Variants in CPA6 observed in about 807,000 individuals in gnomAD.
The protein encoded by CPA6 is carboxypeptidase A6.
Under a neutral mutation model 63.3 loss-of-function variants are expected in CPA6, and 58 were observed. The ratio of observed to expected loss-of-function variants is 0.92; its 90% confidence interval spans 0.74 to 1.14. CPA6 has a LOEUF of 1.14. CPA6 is among the 50% of genes most tolerant of loss of function. The pLI, the probability that CPA6 is intolerant of heterozygous loss-of-function variation, is 0.00. For synonymous variants in CPA6, 185 were observed against 179.0 expected (o/e 1.03, Z -0.27); for missense variants, 565 against 526.6 (o/e 1.07, Z -0.71).
At chr8:67,587,150 A>G (rs1197053482) in intron 2 of CPA6, among the ~76,000 whole-genome samples, 1 of 152,252 alleles carries the variant, frequency 6.6e-6, no homozygotes, top group African/African-American at 2.4e-5. Flanking sequence ...AGATTCCATC[A>G]GAGATAGTAA....
chr8:67,427,532 G>C (rs1809920307), intron 10 of CPA6, among the ~76,000 whole-genome samples: 1 of 152,156 alleles, frequency 6.6e-6, no homozygotes, highest in Non-Finnish European at 1.5e-5. Flanking sequence ...GGGGTTGGAA[G>C]TGATCTCTGG....
intron 1 of CPA6, among the ~76,000 whole-genome samples, chr8:67,712,435 G>A (rs928481436): frequency 6.6e-6 from 1 of 152,122 alleles, no homozygotes; most frequent in Non-Finnish European, 1.5e-5. Context: ...GAGGCACATG[G>A]AACCTCTTTC....
At chr8:67,576,769 T>C (rs572624285) in intron 2 of CPA6, among the ~76,000 whole-genome samples, 1 of 152,320 alleles carries the variant, frequency 6.6e-6, no homozygotes, top group South Asian at 2.1e-4. Context: ...CTTTACAATG[T>C]TTCCCCCAAC....
At chr8:67,620,196 T>C (rs1815047663) in intron 2 of CPA6, among the ~76,000 whole-genome samples, 1 of 152,200 alleles carries the variant, frequency 6.6e-6, no homozygotes, top group Admixed American at 6.5e-5. Context: ...ACTGCTATCT[T>C]GAGACCAGCA....
intron 6 of CPA6, among the ~76,000 whole-genome samples, chr8:67,493,102 G>T (rs894216810): frequency 4.0e-4 from 61 of 152,238 alleles, no homozygotes; most frequent in African/African-American, 1.3e-3. Context: ...TAAGAACAAA[G>T]ACGTGTTTGC....
At chr8:67,456,967 AGGAGCT>A (rs1335611260) in intron 8 of CPA6, among the ~76,000 whole-genome samples, 2 of 152,222 alleles carry the variant, frequency 1.3e-5, no homozygotes, top group South Asian at 4.1e-4. Flanking sequence ...AGCGGCCTCT[AGGAGCT>A]GGAAAAGGGA....
chr8:67,689,504 T>A (rs955514850), intron 1 of CPA6, among the ~76,000 whole-genome samples: 3 of 152,214 alleles, frequency 2.0e-5, no homozygotes, highest in Non-Finnish European at 2.9e-5. Context: ...TAGCTCCCAC[T>A]TGTAAGTGAG....
At chr8:67,496,291 G>C (rs1415229369) in intron 6 of CPA6, among the ~76,000 whole-genome samples, 1 of 151,878 alleles carries the variant, frequency 6.6e-6, no homozygotes, top group Admixed American at 6.6e-5. Context: ...TTACACTTCT[G>C]TTGATGCCCA....
intron 6 of CPA6, among the ~76,000 whole-genome samples, chr8:67,497,113 G>A (rs970410472): frequency 2.0e-5 from 3 of 152,070 alleles, no homozygotes; most frequent in Admixed American, 6.6e-5. Flanking sequence ...ATTGAGATAC[G>A]ATTCACAGAA....
At chr8:67,735,184 C>G (rs1406942864) in intron 1 of CPA6, 2 of 152,094 alleles carry the variant, frequency 1.3e-5, no homozygotes, top group African/African-American at 4.8e-5. Flanking sequence ...TAATCTCTCC[C>G]TCTTTTTCAG....
At chr8:67,710,664 C>T (rs1189386538) in intron 1 of CPA6, among the ~76,000 whole-genome samples, 1 of 151,422 alleles carries the variant, frequency 6.6e-6, no homozygotes, top group Non-Finnish European at 1.5e-5. Context: ...GAAGAATGTT[C>T]AACCTCCCTT....
chr8:67,707,994 C>A (rs1405099268), intron 1 of CPA6, among the ~76,000 whole-genome samples: 1 of 152,004 alleles, frequency 6.6e-6, no homozygotes, highest in African/African-American at 2.4e-5. Context: ...CTTGTCTACA[C>A]AGTCCCTGTA....
At chr8:67,724,250 T>C (rs1366759609) in intron 1 of CPA6, among the ~76,000 whole-genome samples, 1 of 152,168 alleles carries the variant, frequency 6.6e-6, no homozygotes, top group African/African-American at 2.4e-5. Flanking sequence ...CACACTCACC[T>C]CTTTTCTCTA....
At chr8:67,428,002 G>A in intron 10 of CPA6, 45 bp downstream of exon 10, 1 of 1,265,372 alleles carries the variant, frequency 7.9e-7, no homozygotes, top group Non-Finnish European at 1.1e-6. Flanking sequence ...ACAGGATATT[G>A]GTTCAAGAGA....
In CPA6 at chr8:67,746,236, GC is replaced by G. The variant is rs1461265795; in HGVS notation, c.-108del. 1 of 706,366 alleles carries G rather than the reference GC, an allele frequency of 1.4e-6. No individual in the cohort carries two copies. Among genetic ancestry groups the G allele is most frequent in the East Asian group, 2.8e-5 (1 of 35,522 alleles). The allele number at this position is 706,366 out of a possible 1,614,324, so 43.8% of individuals were successfully genotyped here. ...CACAGGTTCTCCGGGAAGGGGGTGG[GC>G]GAGGAAGGTTGAGAGTGAGCAAAAT... On this transcript the variant is annotated 5_prime_UTR_variant, in exon 1 of 11. Coordinates refer to ENST00000297770, the MANE Select transcript of CPA6 (RefSeq NM_020361.5).
At chr8:67,493,394 C>T (rs73262695) in intron 6 of CPA6, among the ~76,000 whole-genome samples, 10,203 of 152,140 alleles carry the variant, frequency 0.067, 799 homozygotes, top group African/African-American at 0.19. Flanking sequence ...GAGCCTTCCC[C>T]TTCTGGAAAG....
intron 1 of CPA6, among the ~76,000 whole-genome samples, chr8:67,675,721 G>T (rs1816456784): frequency 6.6e-6 from 1 of 152,140 alleles, no homozygotes; most frequent in African/African-American, 2.4e-5. Context: ...GGGGCTTTTT[G>T]CAAGCCCTCA....
intron 1 of CPA6, among the ~76,000 whole-genome samples, chr8:67,662,284 G>A (rs1160667709): frequency 6.6e-6 from 1 of 152,070 alleles, no homozygotes; most frequent in Non-Finnish European, 1.5e-5. Context: ...CAGTCTCCCA[G>A]GACAGTCCAT....
At chr8:67,673,311 A>G (rs188265378) in intron 1 of CPA6, among the ~76,000 whole-genome samples, 271 of 151,348 alleles carry the variant, frequency 1.8e-3, no homozygotes, top group African/African-American at 5.7e-3. Context: ...TTGGATTTCA[A>G]TGTTCAGTGT....
Sources: allele counts gnomAD v4.1 joint callset (sites outside exome capture counted in the v4.1 genomes callset), GRCh38; gene constraint gnomAD v4.1.1; transcripts MANE v1.5; gene names NCBI Gene and HGNC (gene_info 2026-07-23, HGNC 2026-07-21).